IFT43: variants seen among roughly 807,000 people sequenced by gnomAD.
IFT43 encodes the protein intraflagellar transport protein 43 homolog.
A neutral mutation model predicts 32.3 loss-of-function variants in IFT43; 33 were observed. The observed-to-expected ratio is 1.02, with a 90% CI of 0.77 to 1.37. The LOEUF is 1.37. Ranked by LOEUF, IFT43 falls within the 40% of genes most tolerant of loss-of-function variation. The probability of loss-of-function intolerance (pLI) is 0.00; values close to 1 mark genes in which losing one functional copy is unlikely to be tolerated. For missense variants in IFT43, 274 were observed against 265.9 expected, an observed-to-expected ratio of 1.03 and a Z score of -0.21; for synonymous variants, 93 against 98.2, an observed-to-expected ratio of 0.95 and a Z score of 0.31.
intron 2 of IFT43, among the ~76,000 whole-genome samples, chr14:75,999,529 CA>C (rs949542614): frequency 6.6e-6 from 1 of 151,798 alleles, no homozygotes; most frequent in Non-Finnish European, 1.5e-5. Context: ...ACAAAATGAA[CA>C]AGAAAACTTC....
At chr14:75,994,838 T>C (rs1221113504) in intron 2 of IFT43, among the ~76,000 whole-genome samples, 1 of 152,208 alleles carries the variant, frequency 6.6e-6, no homozygotes, top group African/African-American at 2.4e-5. Context: ...ATTCAAATGA[T>C]TGTGCCCTCA....
intron 2 of IFT43, among the ~76,000 whole-genome samples, chr14:75,990,537 T>A (rs1781665291): frequency 1.3e-5 from 2 of 152,182 alleles, no homozygotes; most frequent in Non-Finnish European, 2.9e-5. Context: ...CCTGCAATTG[T>A]TATTGCGCAG....
At chr14:75,989,559 A>G (rs148441006) in intron 2 of IFT43, among the ~76,000 whole-genome samples, 145 of 152,240 alleles carry the variant, frequency 9.5e-4, no homozygotes, top group Non-Finnish European at 1.7e-3. Context: ...TCCTCTGTCC[A>G]TTTGAAAAAA....
chr14:76,083,362 C>G, intron 8 of IFT43, 73 bp downstream of exon 8: 1 of 1,611,708 alleles, frequency 6.2e-7, no homozygotes, highest in South Asian at 1.1e-5. Flanking sequence ...CCGGGCTGGC[C>G]TGTGCCTCCC....
intron 2 of IFT43, among the ~76,000 whole-genome samples, chr14:75,997,921 C>CT (rs1271762507): frequency 5.3e-5 from 8 of 152,106 alleles, no homozygotes; most frequent in Non-Finnish European, 1.2e-4. Flanking sequence ...CGGTCAAACC[C>CT]TTTAATGGAT....
At chr14:76,025,762 C>G (rs1156818252) in intron 3 of IFT43, among the ~76,000 whole-genome samples, 33 of 152,148 alleles carry the variant, frequency 2.2e-4, no homozygotes. Flanking sequence ...AAGATTGAAA[C>G]TGGACCCTTT....
chr14:76,011,746 A>C (rs1243055435), intron 2 of IFT43, among the ~76,000 whole-genome samples: 3 of 152,206 alleles, frequency 2.0e-5, no homozygotes, highest in Non-Finnish European at 4.4e-5. Context: ...TGAGTGATCC[A>C]TTACCTTCCA....
At chr14:76,013,324 C>T (rs944644246) in intron 2 of IFT43, among the ~76,000 whole-genome samples, 8 of 152,190 alleles carry the variant, frequency 5.3e-5, no homozygotes, top group Admixed American at 3.9e-4. Context: ...GCTTTAATTT[C>T]TCATCAGTCC....
intron 2 of IFT43, among the ~76,000 whole-genome samples, chr14:75,999,281 ATTTTTTTT>A (rs371670856): frequency 4.4e-4 from 17 of 39,064 alleles, no homozygotes; most frequent in African/African-American, 1.9e-3. Context: ...ATGTATATAT[ATTTTTTTT>A]TTTTTTTTTT....
At chr14:75,999,281 A>ATTTTTTTT (rs371670856) in intron 2 of IFT43, among the ~76,000 whole-genome samples, 5 of 39,060 alleles carry the variant, frequency 1.3e-4, no homozygotes, top group Admixed American at 2.9e-4. Flanking sequence ...ATGTATATAT[A>ATTTTTTTT]TTTTTTTTTT....
chr14:75,987,769 G>A (rs949867975), intron 1 of IFT43, among the ~76,000 whole-genome samples: 1 of 152,154 alleles, frequency 6.6e-6, no homozygotes, highest in African/African-American at 2.4e-5. Context: ...AGTCTCCACC[G>A]GAGGGCCTTG....
At chr14:76,079,992 A>G (rs1475132515) in intron 5 of IFT43, among the ~76,000 whole-genome samples, 1 of 152,152 alleles carries the variant, frequency 6.6e-6, no homozygotes, top group Non-Finnish European at 1.5e-5. Flanking sequence ...AGAACATATT[A>G]TGTGCTCATG....
intron 3 of IFT43, among the ~76,000 whole-genome samples, chr14:76,036,592 A>G (rs1405083529): frequency 6.6e-6 from 1 of 150,950 alleles, no homozygotes; most frequent in African/African-American, 2.4e-5. Context: ...TTTAGTAGAG[A>G]CAAGGTTTTG....
intron 5 of IFT43, among the ~76,000 whole-genome samples, chr14:76,080,969 T>G (rs1335387012): frequency 1.3e-5 from 2 of 152,206 alleles, no homozygotes; most frequent in Non-Finnish European, 2.9e-5. Context: ...CTTTCTATTT[T>G]TATCCCTTTT....
At chr14:76,023,108 T>G (rs8004244) in intron 3 of IFT43, among the ~76,000 whole-genome samples, 127,840 of 152,256 alleles carry the variant, frequency 0.84, 53,807 homozygotes, top group Non-Finnish European at 0.87. Flanking sequence ...AACTGCATAG[T>G]GTTCAGTGTG....
At chr14:76,025,638 C>A (rs893860185) in intron 3 of IFT43, among the ~76,000 whole-genome samples, 2 of 151,904 alleles carry the variant, frequency 1.3e-5, no homozygotes, top group Middle Eastern at 3.2e-3. Context: ...AATAGAGAAC[C>A]CAGAAATAAG....
chr14:76,083,867 A>G (rs767082467), downstream of IFT43: 1 of 555,274 alleles, frequency 1.8e-6, no homozygotes, highest in Non-Finnish European at 3.4e-6. Flanking sequence ...GGAGAGTTCG[A>G]TTCAGGCGGA....
At chr14:76,005,370 G>A (rs1000817491) in intron 2 of IFT43, among the ~76,000 whole-genome samples, 1 of 152,132 alleles carries the variant, frequency 6.6e-6, no homozygotes, top group African/African-American at 2.4e-5. Context: ...TCCTCAGATG[G>A]CTCTTCGGGG....
rs557243034 is a variant in IFT43 at position 76,016,811 on chromosome 14, A to G, written c.148-5516A>G. ...CCTAAGTATTTTTTTTGTAGCTATT[A>G]TAAATGGGATTGCTTTCCTGATTTA... is the stretch of plus-strand genomic sequence containing the variant. On this transcript the variant is annotated intron_variant, in intron 2 of 8. Coordinates refer to ENST00000314067, the MANE Select transcript of IFT43 (RefSeq NM_001102564.3). 1.2e-4 allele frequency among the ~76,000 whole-genome samples: 19 copies of G among 152,186 alleles called. 2 individuals are homozygous for G. In the South Asian group the frequency reaches 3.9e-3, roughly 32 times the overall value.
Sources: gnomAD v4.1 joint callset for allele counts (sites outside exome capture counted in the v4.1 genomes callset) on GRCh38, gnomAD v4.1.1 for gene constraint, MANE v1.5 for transcripts, NCBI Gene and HGNC (gene_info 2026-07-23, HGNC 2026-07-21) for gene names.